The following FCHSD2 variants were observed in gnomAD, a reference collection of about 807,000 sequenced individuals.
The protein encoded by FCHSD2 is FCH and double SH3 domains 2.
FCHSD2 carries 38 observed loss-of-function variants against 108.1 expected under a neutral mutation model. The observed-to-expected ratio is 0.35, with a 90% CI of 0.27 to 0.46. The LOEUF (loss-of-function observed/expected upper bound fraction) is 0.46, where lower values mean the gene tolerates loss of function less well. Among genes scored for constraint, FCHSD2 ranks in the 20% least tolerant of loss-of-function variants. The pLI, the probability that FCHSD2 is intolerant of heterozygous loss-of-function variation, is 1.00. For synonymous variants in FCHSD2, 279 were observed against 314.7 expected, an observed-to-expected ratio of 0.89 and a Z score of 1.20; for missense variants, 751 against 897.8, an observed-to-expected ratio of 0.84 and a Z score of 2.09.
At position 72,950,074 on chromosome 11, in the gene FCHSD2, C is replaced by T. The variant is rs888210477; in HGVS notation, c.706-28124G>A. ...TTTTTAAAAATTTTAGTCATCCTAG[C>T]GGATGTGAAGTGGTATTTCATTGTG... On this transcript the variant is annotated intron_variant, in intron 8 of 19. Coordinates refer to ENST00000409418, the MANE Select transcript of FCHSD2 (RefSeq NM_014824.3). Among the ~76,000 whole-genome samples, 5 of 152,076 alleles carry T rather than the reference C, an allele frequency of 3.3e-5. No individual in the cohort carries two copies. The South Asian group carries it at 1.0e-3, about 31-fold the overall frequency.
chr11:73,107,997 T>C (rs1224803367), intron 2 of FCHSD2, among the ~76,000 whole-genome samples: 1 of 152,156 alleles, frequency 6.6e-6, no homozygotes, highest in Non-Finnish European at 1.5e-5. Flanking sequence ...TCCAAATTAT[T>C]CTCCATAGTT....
chr11:73,024,542 G>T (rs537952296), intron 3 of FCHSD2, among the ~76,000 whole-genome samples: 3 of 152,018 alleles, frequency 2.0e-5, no homozygotes, highest in African/African-American at 7.2e-5. Context: ...AATAAGAAGG[G>T]GAAATGAGAA....
intron 6 of FCHSD2, among the ~76,000 whole-genome samples, chr11:72,986,490 T>TGA (rs1157494358): frequency 6.6e-6 from 1 of 152,244 alleles, no homozygotes; most frequent in African/African-American, 2.4e-5. Context: ...ATTACAGGCG[T>TGA]GAGCCACCGT....
At chr11:72,987,250 A>C (rs2135402567) in intron 6 of FCHSD2, among the ~76,000 whole-genome samples, 1 of 152,300 alleles carries the variant, frequency 6.6e-6, no homozygotes, top group Middle Eastern at 3.4e-3. Flanking sequence ...TCTACTTAGA[A>C]AATTTATACT....
chr11:73,025,846 C>T (rs1355276352), intron 3 of FCHSD2, among the ~76,000 whole-genome samples: 1 of 152,070 alleles, frequency 6.6e-6, no homozygotes, highest in African/African-American at 2.4e-5. Flanking sequence ...GATGTACCAA[C>T]TCAGTAACAT....
chr11:72,975,626 CTATAAA>C (rs1232201907), intron 8 of FCHSD2, among the ~76,000 whole-genome samples: 34 of 152,180 alleles, frequency 2.2e-4, no homozygotes, highest in African/African-American at 7.9e-4. Context: ...CACACATACA[CTATAAA>C]TATATAGTTA....
intron 4 of FCHSD2, 72 bp from the exon 5 acceptor site, chr11:73,001,206 C>G (rs1412156836): frequency 1.6e-6 from 2 of 1,272,466 alleles, no homozygotes; most frequent in Non-Finnish European, 2.2e-6. Flanking sequence ...CTTTTGCTCA[C>G]AGGGCAGCAC....
intron 3 of FCHSD2, among the ~76,000 whole-genome samples, chr11:73,066,071 A>T (rs1314936282): frequency 6.6e-6 from 1 of 152,224 alleles, no homozygotes; most frequent in Admixed American, 6.5e-5. Context: ...AGAAGAACAA[A>T]GCTGGAGGCA....
intron 4 of FCHSD2, among the ~76,000 whole-genome samples, chr11:73,014,239 G>A (rs932186563): frequency 3.9e-4 from 57 of 146,938 alleles, no homozygotes; most frequent in African/African-American, 1.3e-3. Flanking sequence ...TCAAGCGATC[G>A]TCCTGCCTTA....
In FCHSD2 at chr11:72,900,337, T is replaced by C; in HGVS notation, c.924+2206A>G. The stretch of plus-strand genomic sequence containing the variant: ...TGGGCGGCTTTTAAACTCTGCCCAG[T>C]AAAGATTGCACAAGGACAAAAAACA... On this transcript the variant is annotated intron_variant, in intron 10 of 19. Transcript: ENST00000409418. The C allele has an allele frequency of 3.2e-6, 5 of 1,544,162 alleles. No individual in the cohort carries two copies. The Middle Eastern group carries it at 5.0e-4, about 155-fold the overall frequency.
chr11:73,037,709 T>C (rs1434674382), intron 3 of FCHSD2, among the ~76,000 whole-genome samples: 1 of 152,206 alleles, frequency 6.6e-6, no homozygotes, highest in Non-Finnish European at 1.5e-5. Flanking sequence ...TGATAGTATA[T>C]ATTTGTAACT....
intron 9 of FCHSD2, among the ~76,000 whole-genome samples, chr11:72,908,073 T>C (rs1855672815): frequency 6.6e-6 from 1 of 152,200 alleles, no homozygotes; most frequent in South Asian, 2.1e-4. Flanking sequence ...ACATTTTATC[T>C]CCATGAGTTC....
intron 3 of FCHSD2, among the ~76,000 whole-genome samples, chr11:73,068,753 T>C (rs1251251709): frequency 2.8e-5 from 4 of 145,162 alleles, no homozygotes; most frequent in African/African-American, 1.0e-4. Flanking sequence ...GAGGACTGCT[T>C]GAGCCCAGGA....
At chr11:73,089,925 C>T (rs4394861) in intron 2 of FCHSD2, among the ~76,000 whole-genome samples, 100,304 of 151,980 alleles carry the variant, frequency 0.66, 35,071 homozygotes, top group South Asian at 0.85. Context: ...CCTACCCTTA[C>T]CAGATGTTAA....
At chr11:72,895,201 G>A (rs1326922550) in intron 10 of FCHSD2, among the ~76,000 whole-genome samples, 1 of 152,150 alleles carries the variant, frequency 6.6e-6, no homozygotes, top group African/African-American at 2.4e-5. Flanking sequence ...AAGAACTGGT[G>A]TGGACTGAGC....
intron 8 of FCHSD2, among the ~76,000 whole-genome samples, chr11:72,946,744 G>GT (rs1164885811): frequency 2.0e-5 from 3 of 152,272 alleles, no homozygotes; most frequent in Non-Finnish European, 4.4e-5. Flanking sequence ...GCTTTGTGCA[G>GT]TAACTCTACT....
chr11:72,960,725 T>C (rs556049930), intron 8 of FCHSD2, among the ~76,000 whole-genome samples: 2 of 152,252 alleles, frequency 1.3e-5, no homozygotes, highest in African/African-American at 4.8e-5. Context: ...TTTGATAATG[T>C]TGGGAGTTGA....
At chr11:73,130,458 C>A (rs915358117) in intron 2 of FCHSD2, among the ~76,000 whole-genome samples, 9 of 152,204 alleles carry the variant, frequency 5.9e-5, no homozygotes, top group African/African-American at 1.7e-4. Context: ...TAGTTTAATA[C>A]CATCAAGTTC....
chr11:72,841,030 T>C (rs1860913159), intron 18 of FCHSD2, 71 bp from the exon 19 acceptor site: 16 of 1,188,808 alleles, frequency 1.3e-5, no homozygotes, highest in Non-Finnish European at 2.0e-5. Flanking sequence ...AAGGCTGGCA[T>C]GGTGGCTTGA....
Sources: gnomAD v4.1 joint callset for allele counts (sites outside exome capture counted in the v4.1 genomes callset) on GRCh38, gnomAD v4.1.1 for gene constraint, MANE v1.5 for transcripts, NCBI Gene and HGNC (gene_info 2026-07-23, HGNC 2026-07-21) for gene names.